Variants in CLBA1 observed in about 807,000 individuals in gnomAD.
CLBA1 encodes uncharacterized protein CLBA1.
In CLBA1, 30 loss-of-function variants were observed where a neutral mutation model predicts 28.8. The ratio of observed to expected loss-of-function variants is 1.04; its 90% CI spans 0.78 to 1.41. CLBA1 has a LOEUF of 1.41. Among genes scored for constraint, CLBA1 ranks in the 40% most tolerant of loss-of-function variants. The pLI is 0.00. For synonymous variants in CLBA1, 160 were observed against 152.8 expected (o/e 1.05, Z -0.35); for missense variants, 451 against 412.3 (o/e 1.09, Z -0.81).
rs61748864 is a variant in CLBA1 at position 104,986,716 on chromosome 14, A to C, written c.285A>C (p.Ser95=). The C allele has an allele frequency of 1.8e-4, 296 of 1,613,652 alleles. No homozygotes were observed. The African/African-American group carries it at 3.5e-3, about 19-fold the overall frequency. ...CTTCAGCCAAGTCTGGACAATTCTC[A>C]CAGTCCCTTGAACTCCTCGAGGGAC... is the stretch of plus-strand genomic sequence containing the variant. ...RESSAKSGQF[S]QSLELLEGPT... The change falls in exon 1 of 5, where the codon TCA becomes TCC. Residue 95 remains serine, a synonymous_variant. Transcript: ENST00000547315.
chr14:104,996,698 G>A (rs1175285616), downstream of CLBA1, among the ~76,000 whole-genome samples: 6 of 152,238 alleles, frequency 3.9e-5, no homozygotes, highest in East Asian at 3.8e-4. Context: ...GCTGAAGAAC[G>A]GAGAAATCAT....
chr14:104,985,857 C>A lies in CLBA1; in HGVS notation c.-575C>A. 4.8e-6 allele frequency: 1 copy of A among 207,528 alleles called. No homozygotes were observed. The highest frequency in any genetic ancestry group is 9.2e-6 in the Non-Finnish European group (1 of 109,014). 12.9% of individuals were successfully genotyped at this position (207,528 alleles called of 1,614,324 possible). ...TTTCTCTCGCCCTGGTCCCGCGCGGCCCCGCCGAGGCGGCGACCAAGGTGG... is the reference window on the plus strand; with the variant it reads ...TTTCTCTCGCCCTGGTCCCGCGCGGACCCGCCGAGGCGGCGACCAAGGTGG... On this transcript the variant is annotated 5_prime_UTR_variant, in exon 1 of 5. Transcript: ENST00000547315.
chr14:104,999,298 T>C (rs1566935264), downstream of CLBA1: 8 of 935,014 alleles, frequency 8.6e-6, no homozygotes, highest in Non-Finnish European at 1.0e-5. Context: ...GACGTGGAGC[T>C]CTCTCCAAGC....
At chr14:104,993,664 G>A in intron 4 of CLBA1, 1 of 985,456 alleles carries the variant, frequency 1.0e-6, no homozygotes, top group Non-Finnish European at 1.2e-6. Flanking sequence ...GCTTTTCTGG[G>A]CTGGAGTCTG....
intron 3 of CLBA1, 80 bp downstream of exon 3, chr14:104,991,700 AGGGGTG>A (rs1296429091): frequency 6.7e-7 from 1 of 1,501,162 alleles, no homozygotes; most frequent in African/African-American, 1.4e-5. Context: ...GCCGCGCCCA[AGGGGTG>A]GGTGCAGGCA....
intron 2 of CLBA1, chr14:104,991,162 T>C (rs1032257758): frequency 4.2e-5 from 10 of 238,742 alleles, no homozygotes; most frequent in African/African-American, 2.4e-4. Flanking sequence ...GTAGCTGGGA[T>C]GACAGGCGCC....
chr14:104,994,867 A>G lies in CLBA1; in HGVS notation c.*108A>G, dbSNP rs985972104. 14 of 1,473,036 alleles carry G rather than the reference A, an allele frequency of 9.5e-6. No individual in the cohort carries two copies. The Admixed American group carries it at 2.9e-4, about 31-fold the overall frequency. 91.2% of individuals were successfully genotyped at this position (1,473,036 alleles called of 1,614,324 possible). ...GAGCTGTTTTCCAGACCCCAGGCCC[A>G]TTCCTGGGATCTCTCCAACAGGACC... is the stretch of plus-strand genomic sequence containing the variant. On this transcript the variant is annotated 3_prime_UTR_variant, in exon 5 of 5. Coordinates refer to ENST00000547315, the MANE Select transcript of CLBA1 (RefSeq NM_174891.4).
rs534895584 is a variant in CLBA1, at chr14:104,987,774, C to T, written c.423+920C>T. 2.5e-3 allele frequency among the ~76,000 whole-genome samples: 370 copies of T among 146,608 alleles called. 2 individuals are homozygous for T. The highest frequency in any genetic ancestry group is 9.2e-3 in the African/African-American group (356 of 38,550). ...CTGGGATTACAGGCATCCACCACCA[C>T]GCCCGGCTAACTTTTTATATATATA... On this transcript the variant is annotated intron_variant, in intron 1 of 4. Coordinates refer to ENST00000547315, the MANE Select transcript of CLBA1 (RefSeq NM_174891.4).
At chr14:104,988,129 C>T (rs553626453) in intron 1 of CLBA1, among the ~76,000 whole-genome samples, 1 of 152,212 alleles carries the variant, frequency 6.6e-6, no homozygotes, top group East Asian at 1.9e-4. Context: ...CCCAGCTGAG[C>T]TGGGGCCCGT....
chr14:104,994,521 G>GGCAGGGGGCA, intron 4 of CLBA1, 77 bp from the exon 5 acceptor site: 1 of 1,503,656 alleles, frequency 6.7e-7, no homozygotes, highest in Non-Finnish European at 8.8e-7. Context: ...GGCAGGGGGC[G>GGCAGGGGGCA]GCCAGGGGCA....
At chr14:104,989,815 G>A (rs995159509) in intron 2 of CLBA1, 5 of 417,610 alleles carry the variant, frequency 1.2e-5, no homozygotes, top group Non-Finnish European at 2.0e-5. Context: ...GCAGCCAGGG[G>A]AGAGCCAGGT....
In CLBA1 at chr14:104,986,829, G is replaced by T. The variant is rs1899879883; in HGVS notation, c.398G>T (p.Gly133Val). ...QPCQGGPWVT[G>V]TSAVPPSEPI... is the part of the protein sequence containing the mutation. The stretch of plus-strand genomic sequence containing the variant: ...TGCCAGGGTGGACCTTGGGTGACAG[G>T]AACTTCTGCCGTCCCACCTTCTGAG... The change falls in exon 1 of 5, where the codon GGA becomes GTA. Residue 133 changes from glycine (G) to valine (V), a missense_variant. Physicochemically the swap from Gly to Val is moderately radical, Grantham distance 109 (BLOSUM62 -3). Transcript: ENST00000547315. 2 of 1,613,400 alleles carry T rather than the reference G, an allele frequency of 1.2e-6. No homozygotes were observed. The highest frequency in any genetic ancestry group is 1.7e-6 in the Non-Finnish European group (2 of 1,180,012).
chr14:104,988,832 G>GA, intron 1 of CLBA1, 111 bp from the exon 2 acceptor site: 1 of 1,127,348 alleles, frequency 8.9e-7, no homozygotes, highest in Non-Finnish European at 1.3e-6. Flanking sequence ...TAACACTAAT[G>GA]GTATGATCAA....
intron 4 of CLBA1, 32 bp from the exon 5 acceptor site, chr14:104,994,566 G>GC: frequency 2.5e-6 from 4 of 1,580,862 alleles, no homozygotes; most frequent in Non-Finnish European, 3.4e-6. Context: ...TGCCCGGGGT[G>GC]CGCGCGCCTG....
chr14:104,989,491 G>T (rs1899958490), intron 2 of CLBA1: 1 of 435,244 alleles, frequency 2.3e-6, no homozygotes, highest in African/African-American at 2.0e-5. Context: ...CAGCCACAGA[G>T]TTCTAGAAAA....
rs1193941797 is a variant in CLBA1 at position 104,995,449 on chromosome 14, C to T, written c.*690C>T. The T allele has an allele frequency of 3.0e-5, 30 of 985,266 alleles. No individual in the cohort carries two copies. Among genetic ancestry groups the T allele is most frequent in the Non-Finnish European group, 3.4e-5 (28 of 829,938 alleles). The allele number at this position is 985,266 out of a possible 1,614,324, so 61.0% of individuals were successfully genotyped here. ...ATCTGCTAAGGAAAACTGTGCTCTT[C>T]GAAGGGCAGAGCCAAGAAGTCAGCC... On this transcript the variant is annotated 3_prime_UTR_variant, in exon 5 of 5. Transcript: ENST00000547315.
downstream of CLBA1, among the ~76,000 whole-genome samples, chr14:104,998,251 G>T (rs1219998645): frequency 6.8e-6 from 1 of 145,996 alleles, no homozygotes; most frequent in African/African-American, 2.7e-5. Context: ...CTACAAAAAA[G>T]TAAAAAAAAA....
Position 104,995,161 on chromosome 14 carries a change from C to T in CLBA1, c.*402C>T, listed in dbSNP as rs138891806. On this transcript the variant is annotated 3_prime_UTR_variant, in exon 5 of 5. Coordinates refer to ENST00000547315, the MANE Select transcript of CLBA1 (RefSeq NM_174891.4). The stretch of plus-strand genomic sequence containing the variant: ...GAGTTCAGAGGAAAAGGGGAAGGCA[C>T]TGAAACGTCACCAGAGAGACAGCTG... 6.1e-5 allele frequency: 60 copies of T among 990,444 alleles called. No individual in the cohort carries two copies. The highest frequency in any genetic ancestry group is 6.5e-5 in the Non-Finnish European group (54 of 833,450). The allele number at this position is 990,444 out of a possible 1,614,324, so 61.4% of individuals were successfully genotyped here. A position where few individuals can be genotyped will look rare whatever the true frequency, so the allele number is the denominator to read the frequency against.
intron 2 of CLBA1, chr14:104,989,663 G>A (rs1445132198): frequency 2.2e-6 from 1 of 456,156 alleles, no homozygotes; most frequent in African/African-American, 2.0e-5. Context: ...TTGAAAGACA[G>A]ACAGCGCTCG....
Sources: gnomAD v4.1 joint callset for allele counts (sites outside exome capture counted in the v4.1 genomes callset) on GRCh38, gnomAD v4.1.1 for gene constraint, MANE v1.5 for transcripts, NCBI Gene and HGNC (gene_info 2026-07-23, HGNC 2026-07-21) for gene names.